Variants in ATPSCKMT observed in about 807,000 individuals in gnomAD.
ATPSCKMT encodes ATP synthase subunit C lysine N-methyltransferase.
Under a neutral mutation model 24.3 loss-of-function variants are expected in ATPSCKMT, and 24 were observed. That is an observed-to-expected ratio of 0.99 (90% CI 0.71 to 1.39). ATPSCKMT has a LOEUF of 1.39. Ranked by LOEUF, ATPSCKMT falls within the 40% of genes most tolerant of loss-of-function variation. The pLI, the probability that ATPSCKMT is intolerant of heterozygous loss-of-function variation, is 0.00. For missense variants in ATPSCKMT, 311 were observed against 298.4 expected, an observed-to-expected ratio of 1.04 and a Z score of -0.31; for synonymous variants, 95 against 110.5, an observed-to-expected ratio of 0.86 and a Z score of 0.88.
At chr5:10,236,961 G>A in intron 2 of ATPSCKMT, 2 of 1,323,602 alleles carry the variant, frequency 1.5e-6, no homozygotes, top group Non-Finnish European at 2.0e-6. Context: ...CTCCATCAGT[G>A]GGCTAGCACA....
intron 4 of ATPSCKMT, among the ~76,000 whole-genome samples, chr5:10,234,577 A>G (rs1206316077): frequency 6.6e-6 from 1 of 152,254 alleles, no homozygotes; most frequent in Non-Finnish European, 1.5e-5. Flanking sequence ...TATTATGGCT[A>G]CAATGATAGA....
rs776003618 is a variant in ATPSCKMT, at chr5:10,239,267, AG to A, written c.105del (p.Trp36GlyfsTer19). 10 of 1,614,200 alleles carry A rather than the reference AG, an allele frequency of 6.2e-6. No individual in the cohort carries two copies. The South Asian group carries it at 1.1e-4, about 18-fold the overall frequency. ...ACAAGCCCAGTAAGTAAGAACCCCC[AG>A]TTGCTTTTCTGCAAACTGTTGACTT... ...SFEVNSLQKS[N>X]WGFLLTGLVG... is the part of the protein sequence containing the mutation. On this transcript the variant is annotated frameshift_variant, in exon 2 of 5. Coordinates refer to ENST00000511437, the MANE Select transcript of ATPSCKMT (RefSeq NM_199133.4). LOFTEE classifies it high-confidence loss of function.
At position 10,235,180 on chromosome 5, in the gene ATPSCKMT, C is replaced by G. The variant is rs772258520; in HGVS notation, c.495+31G>C. ...GAAGGGCCTTCAACATCATCTAACC[C>G]CAAACAGAGAGCAGGAAAGTGCATA... On this transcript the variant is annotated intron_variant, in intron 4 of 4. Transcript: ENST00000511437. 7 of 1,611,378 alleles carry G rather than the reference C, an allele frequency of 4.3e-6. No individual in the cohort carries two copies. The African/African-American group carries it at 9.4e-5, about 22-fold the overall frequency.
intron 1 of ATPSCKMT, chr5:10,248,331 A>C (rs1745045868): frequency 1.3e-5 from 2 of 152,244 alleles, no homozygotes; most frequent in Non-Finnish European, 1.5e-5. Context: ...AACTACACAG[A>C]GGATGCCATA....
intron 1 of ATPSCKMT, among the ~76,000 whole-genome samples, chr5:10,242,596 C>T (rs778956867): frequency 6.6e-6 from 1 of 152,218 alleles, no homozygotes; most frequent in Non-Finnish European, 1.5e-5. Context: ...CTCTGACCTC[C>T]TACCATGAAT....
At chr5:10,232,812 T>C (rs1172258730) in intron 4 of ATPSCKMT, among the ~76,000 whole-genome samples, 1 of 151,962 alleles carries the variant, frequency 6.6e-6, no homozygotes, top group Admixed American at 6.6e-5. Context: ...CCACAGTGAG[T>C]ATTTGGGCCT....
intron 1 of ATPSCKMT, among the ~76,000 whole-genome samples, chr5:10,248,972 A>G (rs1341562449): frequency 6.6e-6 from 1 of 152,190 alleles, no homozygotes; most frequent in Non-Finnish European, 1.5e-5. Flanking sequence ...AGCATAATAC[A>G]GGGCTTAAGA....
chr5:10,233,536 A>C (rs1744247798), intron 4 of ATPSCKMT, among the ~76,000 whole-genome samples: 3 of 151,934 alleles, frequency 2.0e-5, no homozygotes, highest in African/African-American at 7.3e-5. Flanking sequence ...CAGTAATCAC[A>C]AAAGTATTCA....
rs181450361 is a variant in ATPSCKMT, at chr5:10,243,377, G to A, written c.17-4021C>T. Reference sequence around the variant, plus strand: ...CACGCCCCTGTAATCCCAGCTACTCGGGAGGCTGAGGCAGGAGAATCATTT... The same window carrying A: ...CACGCCCCTGTAATCCCAGCTACTCAGGAGGCTGAGGCAGGAGAATCATTT... On this transcript the variant is annotated intron_variant, in intron 1 of 4. Transcript: ENST00000511437. Among the ~76,000 whole-genome samples, 263 of 152,230 alleles carry A rather than the reference G, an allele frequency of 1.7e-3. 3 individuals carry two copies. The highest frequency in any genetic ancestry group is 5.8e-4 in the East Asian group (3 of 5,170).
In ATPSCKMT at chr5:10,230,550, G is replaced by C. The variant is rs575838762; in HGVS notation, c.496-2903C>G. Reference sequence around the variant, plus strand: ...TTACACATAAATATGCAATGAATCTGGTGCTTGATATCATACGCAAAGAGA... The same window carrying C: ...TTACACATAAATATGCAATGAATCTCGTGCTTGATATCATACGCAAAGAGA... On this transcript the variant is annotated intron_variant, in intron 4 of 4. Transcript: ENST00000511437. Among the ~76,000 whole-genome samples, 164 of 152,290 alleles carry C rather than the reference G, an allele frequency of 1.1e-3. 1 individual carries two copies. Among genetic ancestry groups the C allele is most frequent in the African/African-American group, 3.6e-3 (151 of 41,552 alleles).
rs149320361 is a variant in ATPSCKMT, at chr5:10,248,358, A to T, written c.16+1500T>A. The T allele has an allele frequency of 7.2e-5, 11 of 152,354 alleles. No homozygotes were observed. The East Asian group carries it at 1.3e-3, about 19-fold the overall frequency. 9.4% of individuals were successfully genotyped at this position (152,354 alleles called of 1,614,324 possible). ...GATGCCATAGGACATTCTATTTTTCACAACAATCGAAGGAGCCAAATGAAT... is the reference window on the plus strand; with the variant it reads ...GATGCCATAGGACATTCTATTTTTCTCAACAATCGAAGGAGCCAAATGAAT... On this transcript the variant is annotated intron_variant, in intron 1 of 4. Transcript: ENST00000511437.
chr5:10,235,149 T>C lies in ATPSCKMT; in HGVS notation c.495+62A>G. The C allele has an allele frequency of 2.0e-6, 3 of 1,505,678 alleles. No individual in the cohort carries two copies. In the South Asian group the frequency reaches 3.4e-5, roughly 17 times the overall value. The allele number at this position is 1,505,678 out of a possible 1,614,324, so 93.3% of individuals were successfully genotyped here. A position where few individuals can be genotyped will look rare whatever the true frequency, so the allele number is the denominator to read the frequency against. The stretch of plus-strand genomic sequence containing the variant: ...CTCACACGGGTGAGTGGTGGTGTTG[T>C]GGCTGGAAGGGCCTTCAACATCATC... On this transcript the variant is annotated intron_variant, in intron 4 of 4. Transcript: ENST00000511437.
chr5:10,239,115 T>A lies in ATPSCKMT; in HGVS notation c.258A>T (p.Arg86=), dbSNP rs561421675. The A allele has an allele frequency of 6.2e-7, 1 of 1,614,240 alleles. No individual in the cohort carries two copies. Among genetic ancestry groups the A allele is most frequent in the South Asian group, 1.1e-5 (1 of 91,090 alleles). The change falls in exon 2 of 5, where the codon CGA becomes CGT. Residue 86 remains arginine (R), a synonymous_variant. Coordinates refer to ENST00000511437, the MANE Select transcript of ATPSCKMT (RefSeq NM_199133.4). ...KQIENVVKML[R]CRRGSLVDIG... is the part of the protein sequence containing the mutation. The stretch of plus-strand genomic sequence containing the variant: ...TGTCCACAAGGGATCCTCTTCGGCA[T>A]CGCAACATTTTCACAACATTTTCAA...
At chr5:10,229,370 A>T (rs1343389100) in intron 4 of ATPSCKMT, among the ~76,000 whole-genome samples, 1 of 152,200 alleles carries the variant, frequency 6.6e-6, no homozygotes, top group African/African-American at 2.4e-5. Context: ...GCTCATGAGC[A>T]GTGCGGTGTG....
chr5:10,236,331 C>G, intron 3 of ATPSCKMT, 147 bp downstream of exon 3: 2 of 997,096 alleles, frequency 2.0e-6, no homozygotes, highest in South Asian at 4.3e-5. Flanking sequence ...TAAAACGTAT[C>G]AATTTTACAT....
intron 2 of ATPSCKMT, among the ~76,000 whole-genome samples, chr5:10,238,140 T>G (rs981605943): frequency 1.3e-5 from 2 of 152,188 alleles, no homozygotes; most frequent in African/African-American, 4.8e-5. Context: ...AGTTTCAGTT[T>G]TGCAAGATGA....
At chr5:10,236,773 G>A in intron 2 of ATPSCKMT, 158 bp from the exon 3 acceptor site, 3 of 1,466,224 alleles carry the variant, frequency 2.0e-6, no homozygotes, top group Non-Finnish European at 2.7e-6. Flanking sequence ...AAGCGATATA[G>A]CTTTGTGGAC....
chr5:10,239,553 C>T (rs1744531052), intron 1 of ATPSCKMT, among the ~76,000 whole-genome samples, 197 bp from the exon 2 acceptor site: 1 of 152,120 alleles, frequency 6.6e-6, no homozygotes, highest in Non-Finnish European at 1.5e-5. Context: ...GAACATTATT[C>T]AATACTATGA....
intron 3 of ATPSCKMT, among the ~76,000 whole-genome samples, chr5:10,235,519 T>C (rs746347454): frequency 3.9e-5 from 6 of 152,142 alleles, no homozygotes; most frequent in Non-Finnish European, 8.8e-5. Context: ...TCAGGGTGAC[T>C]CCATCCAGGG....
Sources: gnomAD v4.1 joint callset for allele counts (sites outside exome capture counted in the v4.1 genomes callset) on GRCh38, gnomAD v4.1.1 for gene constraint, MANE v1.5 for transcripts, NCBI Gene and HGNC (gene_info 2026-07-23, HGNC 2026-07-21) for gene names.